The following PTPRN2 variants were observed in gnomAD, a reference collection of about 807,000 sequenced individuals.
PTPRN2 encodes the protein protein tyrosine phosphatase receptor type N2.
A neutral mutation model predicts 118.8 loss-of-function variants in PTPRN2; 74 were observed. The ratio of observed to expected loss-of-function variants is 0.62; its 90% CI spans 0.52 to 0.76. The LOEUF (loss-of-function observed/expected upper bound fraction) is 0.76. Ranked by LOEUF, PTPRN2 falls within the 30% of genes least tolerant of loss-of-function variation. The probability of loss-of-function intolerance (pLI) is 0.00; values close to 1 mark genes in which losing one functional copy is unlikely to be tolerated. For missense variants in PTPRN2, 1,481 were observed against 1,394.4 expected (o/e 1.06, Z -0.99); for synonymous variants, 641 against 608.0 (o/e 1.05, Z -0.80).
chr7:158,456,856 C>T (rs12674342), intron 2 of PTPRN2, among the ~76,000 whole-genome samples: 35,110 of 152,056 alleles, frequency 0.23, 4,414 homozygotes, highest in East Asian at 0.36. Flanking sequence ...CTCACTGCAG[C>T]CTCCACCTCC....
At chr7:158,107,991 C>T (rs764738437) in intron 10 of PTPRN2, among the ~76,000 whole-genome samples, 1 of 150,524 alleles carries the variant, frequency 6.6e-6, no homozygotes, top group Non-Finnish European at 1.5e-5. Flanking sequence ...TGGATCTCTG[C>T]ACCTCTGCTG....
At chr7:158,149,360 T>G (rs1708449808) in intron 6 of PTPRN2, among the ~76,000 whole-genome samples, 2 of 151,648 alleles carry the variant, frequency 1.3e-5, no homozygotes, top group African/African-American at 4.9e-5. Context: ...TACATTGACA[T>G]AAACTTAAAT....
chr7:158,179,868 C>T (rs1372769627), intron 5 of PTPRN2, among the ~76,000 whole-genome samples: 3 of 152,184 alleles, frequency 2.0e-5, no homozygotes, highest in Admixed American at 2.0e-4. Flanking sequence ...ACCTGATGAC[C>T]CAAAAGTTAC....
At chr7:158,540,276 C>G (rs569042041) in intron 1 of PTPRN2, among the ~76,000 whole-genome samples, 1 of 152,188 alleles carries the variant, frequency 6.6e-6, no homozygotes, top group Admixed American at 6.5e-5. Flanking sequence ...TTACTCCAAG[C>G]GTATTAGGGT....
intron 12 of PTPRN2, among the ~76,000 whole-genome samples, chr7:157,776,396 CA>C (rs1192515914): frequency 4.8e-4 from 39 of 80,992 alleles, no homozygotes; most frequent in South Asian, 2.0e-3. Context: ...CCTCCTCCTC[CA>C]TCTCCTCCTC....
chr7:157,851,461 G>C (rs1164038372), intron 12 of PTPRN2, among the ~76,000 whole-genome samples: 1 of 152,158 alleles, frequency 6.6e-6, no homozygotes, highest in Admixed American at 6.5e-5. Context: ...CCTGGTGCAT[G>C]GAACAGCGAC....
At chr7:157,815,671 G>A (rs1806350404) in intron 12 of PTPRN2, among the ~76,000 whole-genome samples, 2 of 152,238 alleles carry the variant, frequency 1.3e-5, no homozygotes, top group South Asian at 4.1e-4. Context: ...GGGGGTCGAC[G>A]TGAAGGAGAG....
In PTPRN2 at chr7:157,964,152, C is replaced by T. The variant is rs1644889531; in HGVS notation, c.1724-65415G>A. Among the ~76,000 whole-genome samples, 2 of 152,184 alleles carry T rather than the reference C, an allele frequency of 1.3e-5. No individual in the cohort carries two copies. Among genetic ancestry groups the T allele is most frequent in the Admixed American group, 1.3e-4 (2 of 15,288 alleles). On this transcript the variant is annotated intron_variant, in intron 11 of 22. Coordinates refer to ENST00000389418, the MANE Select transcript of PTPRN2 (RefSeq NM_002847.5). This position sits in a 1 kb window ranked among gnomAD's most constrained non-coding sequence, Gnocchi z 9.0. Reference sequence around the variant, plus strand: ...TGTGGGACCCCCGTTCCCACTGGCACACCATGGGGACAGCTGGGTGGGGTA... The same window carrying T: ...TGTGGGACCCCCGTTCCCACTGGCATACCATGGGGACAGCTGGGTGGGGTA...
intron 10 of PTPRN2, among the ~76,000 whole-genome samples, chr7:158,097,559 C>T (rs548352495): frequency 2.3e-4 from 35 of 152,284 alleles, no homozygotes; most frequent in Non-Finnish European, 4.3e-4. Flanking sequence ...TGTCACAGAG[C>T]CCGTCTCACT....
chr7:158,405,080 G>C (rs1262853350), intron 2 of PTPRN2, among the ~76,000 whole-genome samples: 1 of 138,606 alleles, frequency 7.2e-6, no homozygotes, highest in African/African-American at 2.7e-5. Flanking sequence ...CCAGCTCCTC[G>C]GCCTCAGCTC....
At chr7:158,322,306 T>G (rs1391259537) in intron 2 of PTPRN2, among the ~76,000 whole-genome samples, 1 of 152,190 alleles carries the variant, frequency 6.6e-6, no homozygotes, top group Non-Finnish European at 1.5e-5. Flanking sequence ...CAACAGATGT[T>G]CACCACTGAT....
intron 10 of PTPRN2, among the ~76,000 whole-genome samples, chr7:158,098,041 T>G (rs1814790856): frequency 6.6e-6 from 1 of 151,906 alleles, no homozygotes; most frequent in Non-Finnish European, 1.5e-5. Context: ...CCCCCGTCCG[T>G]CCCTCGAGCC....
rs564888233 is a variant in PTPRN2, at chr7:158,284,097, T to G, written c.277+32722A>C. ...CCAACATGGACTGATGCTCTTCAAT[T>G]CTCTCAAGCGCGTTTACACACACAC... On this transcript the variant is annotated intron_variant, in intron 3 of 22. Transcript: ENST00000389418. Among the ~76,000 whole-genome samples the G allele has an allele frequency of 2.0e-5, 3 of 152,322 alleles. No homozygotes were observed. The South Asian group carries it at 6.2e-4, about 32-fold the overall frequency.
At chr7:158,343,838 C>T (rs891972224) in intron 2 of PTPRN2, among the ~76,000 whole-genome samples, 41 of 152,342 alleles carry the variant, frequency 2.7e-4, no homozygotes, top group Non-Finnish European at 4.6e-4. Context: ...TGGGCTGTCG[C>T]GGCTGCTCCC....
chr7:158,463,823 C>T (rs1470308366), intron 2 of PTPRN2, among the ~76,000 whole-genome samples: 1 of 148,556 alleles, frequency 6.7e-6, no homozygotes, highest in Admixed American at 6.7e-5. Flanking sequence ...TCATCATCAC[C>T]ATCATCATCC....
intron 13 of PTPRN2, among the ~76,000 whole-genome samples, chr7:157,657,308 C>T (rs1287928126): frequency 1.6e-5 from 2 of 127,596 alleles, no homozygotes; most frequent in African/African-American, 6.1e-5. Context: ...TATACACACA[C>T]ACACCACACA....
intron 6 of PTPRN2, among the ~76,000 whole-genome samples, chr7:158,150,997 C>G (rs141861206): frequency 3.3e-5 from 5 of 150,840 alleles, no homozygotes; most frequent in Non-Finnish European, 3.0e-5. Flanking sequence ...CTCAGCACCT[C>G]ATGCTGCCTC....
At chr7:158,481,543 C>A (rs1283172766) in intron 2 of PTPRN2, among the ~76,000 whole-genome samples, 1 of 152,242 alleles carries the variant, frequency 6.6e-6, no homozygotes, top group Non-Finnish European at 1.5e-5. Flanking sequence ...CGGCTCACTA[C>A]AACCTCCGCC....
chr7:157,722,811 G>A (rs1239331194), intron 12 of PTPRN2, among the ~76,000 whole-genome samples: 2 of 152,022 alleles, frequency 1.3e-5, no homozygotes, highest in African/African-American at 4.8e-5. Context: ...AGGCAGGGGT[G>A]AGCGAGGCGG....
Sources: gnomAD v4.1 joint callset for allele counts (sites outside exome capture counted in the v4.1 genomes callset) on GRCh38, gnomAD v4.1.1 for gene constraint, Gnocchi (gnomAD v3.1) non-coding constraint, MANE v1.5 for transcripts, NCBI Gene and HGNC (gene_info 2026-07-23, HGNC 2026-07-21) for gene names.